Variants in CCDC39 observed in about 807,000 individuals in gnomAD.
The protein encoded by CCDC39 is coiled-coil domain 39 molecular ruler complex subunit.
In CCDC39, 113 loss-of-function variants were observed where a neutral mutation model predicts 121.0. That is an observed-to-expected ratio of 0.93 (90% CI 0.80 to 1.09). The LOEUF is 1.09. CCDC39 is among the 50% of genes least tolerant of loss of function. The pLI is 0.00. For synonymous variants in CCDC39, 349 were observed against 352.2 expected (o/e 0.99, Z 0.10); for missense variants, 1,063 against 1,074.7 (o/e 0.99, Z 0.15).
rs79511085 is a variant in CCDC39, at chr3:180,659,257, A to C, written c.738+195T>G. Among the ~76,000 whole-genome samples, 2,494 of 152,332 alleles carry C rather than the reference A, an allele frequency of 0.016. 81 individuals carry two copies. The highest frequency in any genetic ancestry group is 0.057 in the African/African-American group (2,370 of 41,568). On this transcript the variant is annotated intron_variant, in intron 6 of 19. Coordinates refer to ENST00000476379, the MANE Select transcript of CCDC39 (RefSeq NM_181426.2). Reference sequence around the variant, plus strand: ...ACAGGATCCAGTGTTTGGAGTTATAATACTACACTCAAATAATCTTCATCA... The same window carrying C: ...ACAGGATCCAGTGTTTGGAGTTATACTACTACACTCAAATAATCTTCATCA...
intron 14 of CCDC39, among the ~76,000 whole-genome samples, chr3:180,625,688 T>C (rs112106346): frequency 0.019 from 2,925 of 152,188 alleles, 83 homozygotes; most frequent in African/African-American, 0.056. Context: ...GTAGTTGGTG[T>C]TTTGATGTGG....
chr3:180,660,166 C>G (rs557292830), intron 4 of CCDC39, among the ~76,000 whole-genome samples: 28 of 152,116 alleles, frequency 1.8e-4, no homozygotes, highest in African/African-American at 5.8e-4. Flanking sequence ...TAATCAATAG[C>G]ACTACAGTCT....
At chr3:180,654,636 AAG>A in intron 7 of CCDC39, 124 bp downstream of exon 7, 3 of 574,576 alleles carry the variant, frequency 5.2e-6, no homozygotes, top group South Asian at 3.9e-5. Flanking sequence ...AAAAAAAAAA[AAG>A]AAAAAGGAAA....
At chr3:180,669,202 C>CAT (rs1560094849) in intron 1 of CCDC39, among the ~76,000 whole-genome samples, 16 of 151,600 alleles carry the variant, frequency 1.1e-4, no homozygotes, top group African/African-American at 3.4e-4. Context: ...TGGTGTTTGG[C>CAT]TGATTTATTT....
chr3:180,670,294 A>AGTGGTG (rs1421549269), intron 1 of CCDC39, among the ~76,000 whole-genome samples: 3 of 151,306 alleles, frequency 2.0e-5, no homozygotes, highest in African/African-American at 7.3e-5. Flanking sequence ...AGTTGGGTAC[A>AGTGGTG]GTGGTGTGTA....
At chr3:180,647,839 A>G (rs560847968) in intron 10 of CCDC39, among the ~76,000 whole-genome samples, 1 of 152,136 alleles carries the variant, frequency 6.6e-6, no homozygotes, top group South Asian at 2.1e-4. Flanking sequence ...CTAACTAAGA[A>G]TCAACATACA....
intron 9 of CCDC39, among the ~76,000 whole-genome samples, chr3:180,650,949 A>T (rs3849427): frequency 0.077 from 11,695 of 151,940 alleles, 627 homozygotes; most frequent in African/African-American, 0.15. Flanking sequence ...ACAGTGGCTC[A>T]CACCTGTAAT....
intron 7 of CCDC39, among the ~76,000 whole-genome samples, chr3:180,654,053 C>CA (rs578183788): frequency 0.1 from 12,840 of 124,154 alleles, 659 homozygotes; most frequent in Non-Finnish European, 0.13. Context: ...ACTGTACTGG[C>CA]AAAAAAAAAA....
At chr3:180,672,055 TGG>T (rs1712063648) in intron 1 of CCDC39, among the ~76,000 whole-genome samples, 1 of 152,194 alleles carries the variant, frequency 6.6e-6, no homozygotes. Context: ...AGTCAATGCC[TGG>T]GTTCATAGCT....
chr3:180,616,714 C>T lies in CCDC39; in HGVS notation c.2407-19G>A. On this transcript the variant is annotated intron_variant, in intron 17 of 19. Transcript: ENST00000476379. Reference sequence around the variant, plus strand: ...TTGCACACTGTTGGTAAATAATAGTCAATTATTCTATAAACGTGTTTACCA... The same window carrying T: ...TTGCACACTGTTGGTAAATAATAGTTAATTATTCTATAAACGTGTTTACCA... 1 of 1,578,500 alleles carries T rather than the reference C, an allele frequency of 6.3e-7. No homozygotes were observed. The highest frequency in any genetic ancestry group is 1.2e-5 in the South Asian group (1 of 86,324).
intron 1 of CCDC39, among the ~76,000 whole-genome samples, chr3:180,670,263 A>G (rs1712001069): frequency 6.6e-6 from 1 of 152,062 alleles, no homozygotes; most frequent in Non-Finnish European, 1.5e-5. Context: ...AAGGATGTGT[A>G]CAAGTATTAT....
At chr3:180,677,166 TTTTATATATA>T (rs1408488215) in intron 1 of CCDC39, among the ~76,000 whole-genome samples, 34 of 40,918 alleles carry the variant, frequency 8.3e-4, no homozygotes, top group African/African-American at 3.7e-3. Flanking sequence ...ATAATAATAA[TTTTATATATA>T]TATATATATA....
intron 13 of CCDC39, among the ~76,000 whole-genome samples, chr3:180,640,133 C>G (rs1444539710): frequency 6.6e-6 from 1 of 152,012 alleles, no homozygotes; most frequent in African/African-American, 2.4e-5. Flanking sequence ...GATACATTAT[C>G]TTGATGGTGG....
chr3:180,669,805 T>C (rs574472885), intron 1 of CCDC39, among the ~76,000 whole-genome samples: 111 of 152,322 alleles, frequency 7.3e-4, no homozygotes, highest in African/African-American at 2.6e-3. Context: ...ATGATTATCT[T>C]GACCAGTATC....
At position 180,651,893 on chromosome 3, in the gene CCDC39, T is replaced by C. The variant is rs999980251; in HGVS notation, c.1034+270A>G. Among the ~76,000 whole-genome samples, 3 of 152,162 alleles carry C rather than the reference T, an allele frequency of 2.0e-5. 1 individual carries two copies. The highest frequency in any genetic ancestry group is 4.1e-4 in the South Asian group (2 of 4,822). Reference sequence around the variant, plus strand: ...TCTAATAAAAATACAAAAAATTAGCTGGGCCTGCTGGCGGGCACCTGTAGT... The same window carrying C: ...TCTAATAAAAATACAAAAAATTAGCCGGGCCTGCTGGCGGGCACCTGTAGT... On this transcript the variant is annotated intron_variant, in intron 8 of 19. Coordinates refer to ENST00000476379, the MANE Select transcript of CCDC39 (RefSeq NM_181426.2).
At chr3:180,646,995 A>T (rs1718081173) in intron 11 of CCDC39, 84 bp downstream of exon 11, 1 of 1,286,936 alleles carries the variant, frequency 7.8e-7, no homozygotes, top group African/African-American at 1.5e-5. Flanking sequence ...CAGTCACCCT[A>T]TCCAAAGTAG....
chr3:180,635,290 G>C (rs55969409), intron 13 of CCDC39, among the ~76,000 whole-genome samples: 19,771 of 152,048 alleles, frequency 0.13, 1,580 homozygotes, highest in Admixed American at 0.17. Flanking sequence ...GGGACACAGA[G>C]CCAAACCATA....
intron 19 of CCDC39, among the ~76,000 whole-genome samples, chr3:180,615,499 G>A (rs1369618062): frequency 6.6e-6 from 1 of 151,848 alleles, no homozygotes; most frequent in East Asian, 1.9e-4. Flanking sequence ...AAAGTGGTGG[G>A]GTCATTTGAA....
At position 180,651,410 on chromosome 3, in the gene CCDC39, T is replaced by A; in HGVS notation, c.1158A>T (p.Lys386Asn). ...TAAAACTAAACTTTACCTTCACATC[T>A]TTTTCCTCCTCCTTTAGCATATCTT... ...NLEDMLKEEE[K>N]DVKEVDVQLN... The change falls in exon 9 of 20, where the codon AAA (lysine) becomes AAT (asparagine). Residue 386 changes from lysine to asparagine, a missense_variant. Physicochemically the swap from Lys to Asn is moderately conservative, Grantham distance 94. Coordinates refer to ENST00000476379, the MANE Select transcript of CCDC39 (RefSeq NM_181426.2). The A allele has an allele frequency of 6.4e-7, 1 of 1,554,352 alleles. No individual in the cohort carries two copies. Among genetic ancestry groups the A allele is most frequent in the Non-Finnish European group, 8.7e-7 (1 of 1,147,740 alleles).
Sources: allele counts gnomAD v4.1 joint callset (sites outside exome capture counted in the v4.1 genomes callset), GRCh38; gene constraint gnomAD v4.1.1; transcripts MANE v1.5; gene names NCBI Gene and HGNC (gene_info 2026-07-23, HGNC 2026-07-21).